Variants in DRG1 observed in about 807,000 individuals in gnomAD.
DRG1 encodes developmentally regulated GTP binding protein 1.
In DRG1, 19 loss-of-function variants were observed where a neutral mutation model predicts 38.8. The ratio of observed to expected loss-of-function variants is 0.49; its 90% CI spans 0.34 to 0.72. DRG1 has a LOEUF of 0.72. Ranked by LOEUF, DRG1 falls within the 30% of genes least tolerant of loss-of-function variation. DRG1 has a pLI of 0.01. For missense variants in DRG1, 299 were observed against 444.8 expected (o/e 0.67, Z 2.95); for synonymous variants, 167 against 157.5 (o/e 1.06, Z -0.45).
intron 2 of DRG1, among the ~76,000 whole-genome samples, chr22:31,401,288 A>G: frequency 7.5e-6 from 1 of 133,340 alleles, no homozygotes; most frequent in South Asian, 2.3e-4. Context: ...AAGATGTACC[A>G]AAAAAAAAAA....
At chr22:31,402,843 C>T (rs1031837596) in intron 2 of DRG1, among the ~76,000 whole-genome samples, 186 bp from the exon 3 acceptor site, 1 of 152,052 alleles carries the variant, frequency 6.6e-6, no homozygotes, top group Non-Finnish European at 1.5e-5. Flanking sequence ...TCAAACACTG[C>T]ATTGAATTTT....
intron 8 of DRG1, among the ~76,000 whole-genome samples, chr22:31,430,405 T>G (rs1176243336): frequency 6.6e-6 from 1 of 151,840 alleles, no homozygotes; most frequent in African/African-American, 2.4e-5. Context: ...TTTTTTTTTT[T>G]TTTTCTTTTT....
intron 6 of DRG1, 138 bp from the exon 7 acceptor site, chr22:31,426,477 T>C (rs2050111165): frequency 2.8e-6 from 2 of 710,680 alleles, no homozygotes; most frequent in Admixed American, 3.1e-5. Flanking sequence ...TTTTCTTTTT[T>C]CTTTTTCTGG....
chr22:31,401,605 A>C, intron 2 of DRG1, among the ~76,000 whole-genome samples: 1 of 150,186 alleles, frequency 6.7e-6, no homozygotes, highest in Non-Finnish European at 1.5e-5. Context: ...AAAAAAAAAA[A>C]AGTATCCTAG....
chr22:31,415,440 T>C (rs1360684495), intron 4 of DRG1, among the ~76,000 whole-genome samples: 2 of 152,196 alleles, frequency 1.3e-5, no homozygotes, highest in Non-Finnish European at 2.9e-5. Flanking sequence ...CAAGGTGGTA[T>C]TTGTTGAATA....
chr22:31,433,782 C>A, intron 8 of DRG1, 90 bp from the exon 9 acceptor site: 1 of 1,145,162 alleles, frequency 8.7e-7, no homozygotes, highest in Non-Finnish European at 1.3e-6. Flanking sequence ...GGGTATGATA[C>A]TAAATCTGAG....
chr22:31,428,214 TTTC>T (rs1345493010), intron 8 of DRG1, among the ~76,000 whole-genome samples: 1 of 148,808 alleles, frequency 6.7e-6, no homozygotes, highest in East Asian at 2.4e-4. Flanking sequence ...CAGCACAAAG[TTTC>T]TTTTTTTTTT....
intron 5 of DRG1, chr22:31,421,191 T>C (rs547113422): frequency 6.6e-6 from 1 of 152,204 alleles, no homozygotes; most frequent in East Asian, 1.9e-4. Flanking sequence ...TAGTTCACTG[T>C]TAGCTCAAAA....
chr22:31,404,465 C>T (rs1199604674), intron 3 of DRG1, among the ~76,000 whole-genome samples: 1 of 152,022 alleles, frequency 6.6e-6, no homozygotes, highest in Non-Finnish European at 1.5e-5. Context: ...TGGTCTCGAA[C>T]TCCTGACCTC....
At chr22:31,410,574 G>C (rs552367982) in intron 3 of DRG1, among the ~76,000 whole-genome samples, 1 of 152,166 alleles carries the variant, frequency 6.6e-6, no homozygotes, top group Admixed American at 6.6e-5. Flanking sequence ...AGCACTTTGG[G>C]AGGCTGATGC....
At chr22:31,417,253 C>G (rs1601530177) in intron 4 of DRG1, among the ~76,000 whole-genome samples, 2 of 151,766 alleles carry the variant, frequency 1.3e-5, no homozygotes, top group Admixed American at 6.6e-5. Flanking sequence ...GCCTGTAGTC[C>G]CAAGCTGCTC....
chr22:31,431,459 G>A (rs1444837090), intron 8 of DRG1, among the ~76,000 whole-genome samples: 3 of 152,182 alleles, frequency 2.0e-5, no homozygotes, highest in Admixed American at 1.3e-4. Context: ...GAGTCCAGGA[G>A]TGTGAGATCA....
chr22:31,431,064 C>A (rs752914076), intron 8 of DRG1, among the ~76,000 whole-genome samples: 115 of 107,450 alleles, frequency 1.1e-3, no homozygotes, highest in Non-Finnish European at 1.6e-3. Context: ...GAGACGGAGT[C>A]TTGCTCTGTT....
chr22:31,434,049 T>C lies in DRG1; in HGVS notation c.*78T>C, dbSNP rs566485476. The C allele has an allele frequency of 2.1e-6, 3 of 1,400,016 alleles. No homozygotes were observed. Among genetic ancestry groups the C allele is most frequent in the Non-Finnish European group, 9.9e-7 (1 of 1,005,312 alleles). 86.7% of individuals were successfully genotyped at this position (1,400,016 alleles called of 1,614,324 possible). ...TCAAGCACCCTACCCCAGTTCTTTC[T>C]GGTTTTGGCAGTCACTGGATCAGGA... On this transcript the variant is annotated 3_prime_UTR_variant, in exon 9 of 9. Coordinates refer to ENST00000331457, the MANE Select transcript of DRG1 (RefSeq NM_004147.4).
At chr22:31,408,646 A>T (rs1451550941) in intron 3 of DRG1, among the ~76,000 whole-genome samples, 1 of 150,566 alleles carries the variant, frequency 6.6e-6, no homozygotes, top group Admixed American at 6.7e-5. Context: ...CCAGCTGCTC[A>T]GGAGGCTGAG....
intron 8 of DRG1, among the ~76,000 whole-genome samples, chr22:31,432,279 G>A (rs2050143508): frequency 6.6e-6 from 1 of 151,694 alleles, no homozygotes; most frequent in African/African-American, 2.4e-5. Flanking sequence ...GTTTCTCCAT[G>A]CTGCCCAGAC....
chr22:31,410,421 C>T (rs1293389387), intron 3 of DRG1, among the ~76,000 whole-genome samples: 1 of 151,822 alleles, frequency 6.6e-6, no homozygotes, highest in East Asian at 1.9e-4. Flanking sequence ...CACCACTGCA[C>T]TCCAGCTTGG....
chr22:31,400,850 C>A (rs1279229333), intron 2 of DRG1, 107 bp downstream of exon 2: 1 of 1,297,878 alleles, frequency 7.7e-7, no homozygotes, highest in Non-Finnish European at 1.0e-6. Flanking sequence ...AGTGGCTCAA[C>A]GCCTGCAATC....
Position 31,431,414 on chromosome 22 carries a change from C to CT in DRG1, c.1005-2457dup, listed in dbSNP as rs547069946. ...AGGTGTGGTAGCTCACGCCTGTAAT[C>CT]TCAGCACTTTGTGGCCAAGGCAGGA... On this transcript the variant is annotated intron_variant, in intron 8 of 8. Transcript: ENST00000331457. Among the ~76,000 whole-genome samples the CT allele has an allele frequency of 1.1e-4, 16 of 152,266 alleles. No homozygotes were observed. The South Asian group carries it at 3.1e-3, about 30-fold the overall frequency.
Sources: gnomAD v4.1 joint callset for allele counts (sites outside exome capture counted in the v4.1 genomes callset) on GRCh38, gnomAD v4.1.1 for gene constraint, MANE v1.5 for transcripts, NCBI Gene and HGNC (gene_info 2026-07-23, HGNC 2026-07-21) for gene names.